USP32: variants seen among roughly 807,000 people sequenced by gnomAD.
USP32 encodes ubiquitin carboxyl-terminal hydrolase 32.
A neutral mutation model predicts 204.8 loss-of-function variants in USP32; 59 were observed. The observed-to-expected ratio is 0.29, with a 90% CI of 0.23 to 0.36. The LOEUF is 0.36. Ranked by LOEUF, USP32 falls within the 10% of genes least tolerant of loss-of-function variation. USP32 has a pLI of 1.00. For synonymous variants in USP32, 517 were observed against 678.4 expected, an observed-to-expected ratio of 0.76 and a Z score of 3.70; for missense variants, 1,160 against 1,946.4, an observed-to-expected ratio of 0.60 and a Z score of 7.60.
chr17:60,412,636 A>T (rs1180086131), intron 1 of USP32, among the ~76,000 whole-genome samples: 1 of 152,092 alleles, frequency 6.6e-6, no homozygotes, highest in African/African-American at 2.4e-5. Flanking sequence ...CTCTAATATT[A>T]GTCCCCAGTC....
upstream of USP32, among the ~76,000 whole-genome samples, chr17:60,393,134 C>T (rs1179378357): frequency 6.6e-6 from 1 of 152,156 alleles, no homozygotes; most frequent in African/African-American, 2.4e-5. Context: ...AATCCCCCTC[C>T]CACTGGTCCG....
At chr17:60,416,934 T>G (rs76705591) in intron 1 of USP32, among the ~76,000 whole-genome samples, 3 of 151,908 alleles carry the variant, frequency 2.0e-5, no homozygotes, top group African/African-American at 7.3e-5. Context: ...TTTTTTTTTT[T>G]TGAGACAGAG....
intron 5 of USP32, 143 bp from the exon 6 acceptor site, chr17:60,271,624 T>A: frequency 2.6e-6 from 2 of 777,702 alleles, no homozygotes; most frequent in Non-Finnish European, 1.8e-6. Flanking sequence ...AAAACAAAAC[T>A]GAAATTTATT....
intron 12 of USP32, among the ~76,000 whole-genome samples, chr17:60,235,266 C>T (rs749304491): frequency 1.3e-5 from 2 of 151,984 alleles, no homozygotes; most frequent in African/African-American, 2.4e-5. Flanking sequence ...TGATGCTGTA[C>T]CCCAATATTC....
At chr17:60,301,563 T>C (rs1311848931) in intron 3 of USP32, 36 bp downstream of exon 3, 15 of 1,335,266 alleles carry the variant, frequency 1.1e-5, no homozygotes, top group East Asian at 2.4e-5. Flanking sequence ...ATTCTGTACA[T>C]AGACGAATTA....
At chr17:60,379,115 C>T (rs1028202438) in intron 1 of USP32, among the ~76,000 whole-genome samples, 3 of 152,006 alleles carry the variant, frequency 2.0e-5, no homozygotes, top group Non-Finnish European at 4.4e-5. Flanking sequence ...AGCCATAATC[C>T]TATTGCAGTC....
chr17:60,335,219 G>A (rs549294559), intron 2 of USP32, among the ~76,000 whole-genome samples: 1 of 142,050 alleles, frequency 7.0e-6, no homozygotes, highest in Admixed American at 6.8e-5. Flanking sequence ...AGCAATCCTT[G>A]AGATTCCGAA....
intron 1 of USP32, among the ~76,000 whole-genome samples, chr17:60,385,575 C>T (rs2089717061): frequency 6.6e-6 from 1 of 151,858 alleles, no homozygotes; most frequent in Admixed American, 6.6e-5. Flanking sequence ...GAAGCAGTGG[C>T]TCACGCCTAT....
intron 1 of USP32, chr17:60,421,832 T>C: frequency 1.0e-6 from 1 of 983,992 alleles, no homozygotes; most frequent in Non-Finnish European, 1.2e-6. Flanking sequence ...GACACCCGGC[T>C]CCCCGCCTGG....
Position 60,335,236 on chromosome 17 carries a change from T to C in USP32, c.186+10245A>G, listed in dbSNP as rs887912077. Among the ~76,000 whole-genome samples the C allele has an allele frequency of 5.6e-5, 8 of 142,506 alleles. 3 individuals carry two copies. Among genetic ancestry groups the C allele is most frequent in the African/African-American group, 2.4e-4 (8 of 33,086 alleles). 93.5% of individuals were successfully genotyped at this position (142,506 alleles called of 152,430 possible). ...CAATCCTTGAGATTCCGAAAAGTGGTGGGATTACAGGTGTGAACCACCACA... is the reference window on the plus strand; with the variant it reads ...CAATCCTTGAGATTCCGAAAAGTGGCGGGATTACAGGTGTGAACCACCACA... On this transcript the variant is annotated intron_variant, in intron 2 of 33. Transcript: ENST00000300896.
chr17:60,199,821 C>T (rs564223875), intron 26 of USP32, among the ~76,000 whole-genome samples: 3 of 152,270 alleles, frequency 2.0e-5, no homozygotes, highest in Non-Finnish European at 2.9e-5. Flanking sequence ...CATTAAGGAA[C>T]TTCTCCTAGT....
intron 2 of USP32, among the ~76,000 whole-genome samples, chr17:60,318,755 T>C (rs907955770): frequency 2.0e-5 from 3 of 152,222 alleles, no homozygotes; most frequent in Non-Finnish European, 2.9e-5. Context: ...CCTACATCAT[T>C]TTCAAGCTGG....
In USP32 at chr17:60,271,489, T is replaced by C. The variant is rs1159490498; in HGVS notation, c.572-8A>G. 6.2e-7 allele frequency: 1 copy of C among 1,611,738 alleles called. No homozygotes were observed. Among genetic ancestry groups the C allele is most frequent in the South Asian group, 1.1e-5 (1 of 90,666 alleles). On this transcript the variant is annotated splice_region_variant and splice_polypyrimidine_tract_variant and intron_variant, in intron 5 of 33. Transcript: ENST00000300896. ...TGATGTCTGATTCCTCCACTAAGGGTCAAATCAAAAAAGATTATAAAACCT... is the reference window on the plus strand; with the variant it reads ...TGATGTCTGATTCCTCCACTAAGGGCCAAATCAAAAAAGATTATAAAACCT...
intron 11 of USP32, among the ~76,000 whole-genome samples, chr17:60,239,360 C>T (rs534416314): frequency 3.9e-5 from 6 of 152,288 alleles, no homozygotes; most frequent in African/African-American, 7.2e-5. Flanking sequence ...GCTTTTTGAA[C>T]GCGTAGGTTC....
chr17:60,334,058 A>G (rs73320726), intron 2 of USP32, among the ~76,000 whole-genome samples: 6,958 of 152,258 alleles, frequency 0.046, 574 homozygotes, highest in African/African-American at 0.16. Context: ...CTTTTACTGT[A>G]ATATGCCATT....
intron 3 of USP32, among the ~76,000 whole-genome samples, chr17:60,299,773 G>C (rs1211085798): frequency 6.6e-6 from 1 of 152,064 alleles, no homozygotes; most frequent in African/African-American, 2.4e-5. Context: ...CCATAAACTG[G>C]GTGCTTATAA....
At chr17:60,282,216 C>T (rs918368359) in intron 5 of USP32, among the ~76,000 whole-genome samples, 3 of 152,162 alleles carry the variant, frequency 2.0e-5, no homozygotes, top group Non-Finnish European at 4.4e-5. Flanking sequence ...TGTGCCTAAA[C>T]TGAATGCTAA....
At chr17:60,263,474 A>T (rs1219008025) in intron 9 of USP32, among the ~76,000 whole-genome samples, 1 of 152,244 alleles carries the variant, frequency 6.6e-6, no homozygotes. Context: ...AAAAAACCCA[A>T]GTTCTATCCC....
chr17:60,377,197 C>T (rs924957314), intron 1 of USP32, among the ~76,000 whole-genome samples: 2 of 152,136 alleles, frequency 1.3e-5, no homozygotes, highest in Non-Finnish European at 2.9e-5. Flanking sequence ...ACGTGGTTCA[C>T]GTCTGTAATC....
Sources: gnomAD v4.1 joint callset for allele counts (sites outside exome capture counted in the v4.1 genomes callset) on GRCh38, gnomAD v4.1.1 for gene constraint, MANE v1.5 for transcripts, NCBI Gene and HGNC (gene_info 2026-07-23, HGNC 2026-07-21) for gene names.